Variants in DDX10 observed in about 807,000 individuals in gnomAD.
The protein encoded by DDX10 is DEAD-box helicase 10.
Under a neutral mutation model 104.3 loss-of-function variants are expected in DDX10, and 74 were observed. The ratio of observed to expected loss-of-function variants is 0.71; its 90% CI spans 0.59 to 0.86. DDX10 has a LOEUF of 0.86. Ranked by LOEUF, DDX10 falls within the 40% of genes least tolerant of loss-of-function variation. The probability of loss-of-function intolerance (pLI) is 0.00; values close to 1 mark genes in which losing one functional copy is unlikely to be tolerated. For missense variants in DDX10, 952 were observed against 1,040.0 expected (o/e 0.92, Z 1.16); for synonymous variants, 351 against 353.4 (o/e 0.99, Z 0.08).
At chr11:108,932,430 G>A (rs1257457649) in intron 17 of DDX10, among the ~76,000 whole-genome samples, 1 of 151,874 alleles carries the variant, frequency 6.6e-6, no homozygotes, top group Non-Finnish European at 1.5e-5. Flanking sequence ...GCCAGTTTGG[G>A]CAACATAGCA....
At chr11:108,669,775 G>A (rs11212750) in intron 1 of DDX10, among the ~76,000 whole-genome samples, 71,187 of 152,026 alleles carry the variant, frequency 0.47, 19,671 homozygotes, top group Non-Finnish European at 0.61. Flanking sequence ...TGTGGAAGAG[G>A]GAGGCGGAAG....
intron 16 of DDX10, among the ~76,000 whole-genome samples, chr11:108,856,154 G>T (rs1014101272): frequency 1.3e-5 from 2 of 152,130 alleles, no homozygotes; most frequent in African/African-American, 2.4e-5. Context: ...TCTAGGCCGG[G>T]CATGGTGGCT....
At chr11:108,736,993 A>T (rs1406806482) in intron 13 of DDX10, among the ~76,000 whole-genome samples, 1 of 152,162 alleles carries the variant, frequency 6.6e-6, no homozygotes, top group African/African-American at 2.4e-5. Flanking sequence ...AGTAAGATGA[A>T]TGTCTTTGAA....
chr11:108,855,459 A>T (rs917963976), intron 16 of DDX10, among the ~76,000 whole-genome samples: 1 of 152,132 alleles, frequency 6.6e-6, no homozygotes, highest in African/African-American at 2.4e-5. Flanking sequence ...TGTGATTTTT[A>T]TTTATTTATT....
chr11:108,700,705 G>A (rs2094266622), intron 9 of DDX10, among the ~76,000 whole-genome samples: 1 of 152,182 alleles, frequency 6.6e-6, no homozygotes, highest in South Asian at 2.1e-4. Flanking sequence ...TAATGACCGT[G>A]TACCCTTGGA....
At position 108,675,473 on chromosome 11, in the gene DDX10, A is replaced by T. The variant is rs1010323389; in HGVS notation, c.248-123A>T. ...AAAGGCCCTGTCTCCAAGTATAGTT[A>T]TGTTCTGAGGTACGAGGCATTAGGG... On this transcript the variant is annotated intron_variant, in intron 2 of 17. Transcript: ENST00000322536. 7 of 1,033,148 alleles carry T rather than the reference A, an allele frequency of 6.8e-6. No homozygotes were observed. In the African/African-American group the frequency reaches 1.1e-4, roughly 17 times the overall value. The allele number at this position is 1,033,148 out of a possible 1,614,324, so 64.0% of individuals were successfully genotyped here.
At chr11:108,847,799 A>G (rs1442388054) in intron 15 of DDX10, among the ~76,000 whole-genome samples, 2 of 152,226 alleles carry the variant, frequency 1.3e-5, no homozygotes, top group African/African-American at 2.4e-5. Flanking sequence ...GTCATATTAT[A>G]TGCTAATAAT....
intron 13 of DDX10, among the ~76,000 whole-genome samples, chr11:108,795,216 T>C (rs1467084872): frequency 6.6e-6 from 1 of 152,042 alleles, no homozygotes; most frequent in African/African-American, 2.4e-5. Flanking sequence ...TTTCTGCTTC[T>C]GTGTTTTACA....
At chr11:108,837,200 A>AC (rs1429350798) in intron 13 of DDX10, among the ~76,000 whole-genome samples, 1 of 152,216 alleles carries the variant, frequency 6.6e-6, no homozygotes, top group Non-Finnish European at 1.5e-5. Context: ...TCCTCAACTT[A>AC]CAACTAAACC....
chr11:108,808,128 C>T (rs1591823654), intron 13 of DDX10, among the ~76,000 whole-genome samples: 1 of 152,114 alleles, frequency 6.6e-6, no homozygotes, highest in African/African-American at 2.4e-5. Flanking sequence ...GGGGAGAAAA[C>T]TATTTTTACA....
intron 13 of DDX10, among the ~76,000 whole-genome samples, chr11:108,725,816 G>C (rs551439778): frequency 6.6e-6 from 1 of 152,034 alleles, no homozygotes; most frequent in Admixed American, 6.5e-5. Context: ...CACATTTTAG[G>C]TAATTTATAT....
At chr11:108,939,177 T>C (rs780418395) in intron 17 of DDX10, among the ~76,000 whole-genome samples, 7 of 152,208 alleles carry the variant, frequency 4.6e-5, no homozygotes, top group Non-Finnish European at 7.3e-5. Flanking sequence ...TAACTAAAGG[T>C]CTGACTGTGT....
At chr11:108,685,359 C>T (rs1309621746) in intron 6 of DDX10, among the ~76,000 whole-genome samples, 1 of 151,506 alleles carries the variant, frequency 6.6e-6, no homozygotes, top group Non-Finnish European at 1.5e-5. Flanking sequence ...TTGCGCTTCC[C>T]AGGTGAGGCA....
intron 13 of DDX10, among the ~76,000 whole-genome samples, chr11:108,757,981 C>G (rs1390115391): frequency 6.6e-6 from 1 of 152,024 alleles, no homozygotes; most frequent in Admixed American, 6.6e-5. Flanking sequence ...GTCAGACTTC[C>G]CTGTGCTTAT....
chr11:108,669,806 G>A (rs1266513863), intron 1 of DDX10, among the ~76,000 whole-genome samples: 2 of 152,204 alleles, frequency 1.3e-5, no homozygotes, highest in Non-Finnish European at 2.9e-5. Context: ...AGAATGACGT[G>A]ATGTGAGAAA....
Position 108,689,044 on chromosome 11 carries a change from T to G in DDX10, c.957T>G (p.Phe319Leu). The change falls in exon 7 of 18, where the codon TTT becomes TTG. Residue 319 changes from phenylalanine (F) to leucine (L), a missense_variant. Physicochemically the swap from Phe to Leu is conservative, Grantham distance 22. This residue lies in a region of DDX10 where 412 missense variants were observed against 479.2 expected (regional missense o/e 0.86). Coordinates refer to ENST00000322536, the MANE Select transcript of DDX10 (RefSeq NM_004398.4). The stretch of plus-strand genomic sequence containing the variant: ...ATCTGAAGAAGAAGAGCATTGTATT[T>G]TTTTCCAGTTGCAAAGAGGTATTGG... Reference protein sequence around the residue: ...RSHLKKKSIVFFSSCKEVQYL... With the variant: ...RSHLKKKSIVLFSSCKEVQYL... The G allele has an allele frequency of 6.2e-7, 1 of 1,614,110 alleles. No homozygotes were observed. The highest frequency in any genetic ancestry group is 1.1e-5 in the South Asian group (1 of 91,048).
intron 14 of DDX10, among the ~76,000 whole-genome samples, chr11:108,839,865 T>C (rs752888620): frequency 1.3e-5 from 2 of 152,122 alleles, no homozygotes; most frequent in Non-Finnish European, 2.9e-5. Flanking sequence ...ATGAGATGAG[T>C]GCTGTTGGTG....
rs546436863 is a variant in DDX10, at chr11:108,838,458, T to C, written c.1978T>C (p.Ser660Pro). ...DEKTLQKKEP[S>P]KSSIKKKMTK... ...TGTTCTCACACAGAAGAAAGAACCT[T>C]CTAAATCCAGCATCAAGAAAAAAAT... Residue 660 changes from serine to proline, a missense_variant, in exon 14 of 18, where the codon TCT (serine) becomes CCT (proline). Transcript: ENST00000322536. 9 of 1,611,178 alleles carry C rather than the reference T, an allele frequency of 5.6e-6. No individual in the cohort carries two copies. The highest frequency in any genetic ancestry group is 5.0e-5 in the Admixed American group (3 of 59,784).
intron 13 of DDX10, among the ~76,000 whole-genome samples, chr11:108,752,734 C>T (rs1265987719): frequency 6.6e-6 from 1 of 152,076 alleles, no homozygotes; most frequent in Admixed American, 6.6e-5. Context: ...ATTACATATA[C>T]TTTGAAAGTT....
Sources: gnomAD v4.1 joint callset for allele counts (sites outside exome capture counted in the v4.1 genomes callset) on GRCh38, gnomAD v4.1.1 for gene constraint, gnomAD v4.1.1 regional missense constraint, MANE v1.5 for transcripts, NCBI Gene and HGNC (gene_info 2026-07-23, HGNC 2026-07-21) for gene names.